Variants in KLHL29 observed in about 807,000 individuals in gnomAD.
KLHL29 encodes the protein kelch-like protein 29.
A neutral mutation model predicts 80.4 loss-of-function variants in KLHL29; 21 were observed. That is an observed-to-expected ratio of 0.26 (90% CI 0.19 to 0.38). The LOEUF is 0.38. KLHL29 is among the 10% of genes least tolerant of loss of function. The pLI is 1.00. For synonymous variants in KLHL29, 511 were observed against 526.8 expected, an observed-to-expected ratio of 0.97 and a Z score of 0.41; for missense variants, 867 against 1,223.9, an observed-to-expected ratio of 0.71 and a Z score of 4.35.
intron 2 of KLHL29, among the ~76,000 whole-genome samples, chr2:23,502,984 T>C (rs1665497460): frequency 6.6e-6 from 1 of 151,578 alleles, no homozygotes; most frequent in Non-Finnish European, 1.5e-5. Flanking sequence ...TTTTTCTTTT[T>C]CTTTTTTTTG....
chr2:23,705,938 C>G (rs1672691830), intron 13 of KLHL29, among the ~76,000 whole-genome samples: 1 of 152,170 alleles, frequency 6.6e-6, no homozygotes, highest in African/African-American at 2.4e-5. Flanking sequence ...GGGGTCCAGG[C>G]ACAGCCATCG....
chr2:23,573,293 G>A (rs1667763210), intron 3 of KLHL29, among the ~76,000 whole-genome samples: 1 of 152,108 alleles, frequency 6.6e-6, no homozygotes. Flanking sequence ...TTTATTTAAG[G>A]CACTCATCTA....
At chr2:23,595,244 C>G (rs971220561) in intron 3 of KLHL29, among the ~76,000 whole-genome samples, 11 of 152,072 alleles carry the variant, frequency 7.2e-5, no homozygotes, top group Non-Finnish European at 1.3e-4. Flanking sequence ...GGGAAGGAAC[C>G]CTTCTTTCCT....
At chr2:23,702,354 G>A (rs1321243890) in intron 11 of KLHL29, among the ~76,000 whole-genome samples, 1 of 152,080 alleles carries the variant, frequency 6.6e-6, no homozygotes, top group African/African-American at 2.4e-5. Context: ...CTAACACAAA[G>A]CCTATTTTAT....
At chr2:23,591,242 C>T (rs1031486405) in intron 3 of KLHL29, among the ~76,000 whole-genome samples, 2 of 152,086 alleles carry the variant, frequency 1.3e-5, no homozygotes, top group African/African-American at 4.8e-5. Context: ...GACAAGAGGC[C>T]GGTGCCCTTG....
At position 23,495,356 on chromosome 2, in the gene KLHL29, C is replaced by G. The variant is rs116047230; in HGVS notation, c.-46+19689C>G. Among the ~76,000 whole-genome samples, 559 of 152,250 alleles carry G rather than the reference C, an allele frequency of 3.7e-3. 12 individuals are homozygous for G. In the South Asian group the frequency reaches 0.057, roughly 16 times the overall value. On this transcript the variant is annotated intron_variant, in intron 2 of 13. Transcript: ENST00000486442. ...TGCCATGCTTTTTGGTGAGGTGGGT[C>G]CAGGTCATTGCCCCTACCTGGCTCT...
At chr2:23,440,187 A>C (rs963305382) in intron 1 of KLHL29, among the ~76,000 whole-genome samples, 1 of 152,196 alleles carries the variant, frequency 6.6e-6, no homozygotes, top group Non-Finnish European at 1.5e-5. Flanking sequence ...ATCTACAACT[A>C]TCTGATCTTC....
intron 1 of KLHL29, among the ~76,000 whole-genome samples, chr2:23,386,029 G>C (rs529265318): frequency 5.5e-4 from 84 of 152,278 alleles, no homozygotes; most frequent in Non-Finnish European, 1.0e-3. Context: ...CTGCCCCCGG[G>C]TGTGTATGCA....
chr2:23,493,067 C>G (rs1372221672), intron 2 of KLHL29, among the ~76,000 whole-genome samples: 1 of 152,212 alleles, frequency 6.6e-6, no homozygotes, highest in Non-Finnish European at 1.5e-5. Flanking sequence ...AGCTCCGTTC[C>G]TGCTCTAACA....
chr2:23,624,168 T>C (rs1669253928), intron 3 of KLHL29, among the ~76,000 whole-genome samples: 1 of 152,102 alleles, frequency 6.6e-6, no homozygotes, highest in South Asian at 2.1e-4. Context: ...GTCTAGCAAT[T>C]ACTACGTGGA....
At chr2:23,524,369 T>TCTAC in intron 2 of KLHL29, 1 of 183,302 alleles carries the variant, frequency 5.5e-6, no homozygotes, top group Non-Finnish European at 1.2e-5. Context: ...GGCCAGGAAA[T>TCTAC]ACCTTTAGGT....
At chr2:23,550,833 C>G (rs1246789663) in intron 2 of KLHL29, among the ~76,000 whole-genome samples, 1 of 152,218 alleles carries the variant, frequency 6.6e-6, no homozygotes, top group Non-Finnish European at 1.5e-5. Context: ...AACACCATTT[C>G]CTGTGAAGAG....
intron 1 of KLHL29, among the ~76,000 whole-genome samples, chr2:23,420,312 T>A (rs1052658547): frequency 1.3e-5 from 2 of 152,126 alleles, no homozygotes; most frequent in Non-Finnish European, 2.9e-5. Flanking sequence ...TCCACACCGA[T>A]CCCGTCACTG....
At position 23,642,763 on chromosome 2, in the gene KLHL29, C is replaced by G; in HGVS notation, c.853C>G (p.Pro285Ala). ...TGGTGCCCCTGCCACCAATGGGCCCCCCACAACCGACTCGGCCCACGGGCT... is the reference window on the plus strand; with the variant it reads ...TGGTGCCCCTGCCACCAATGGGCCCGCCACAACCGACTCGGCCCACGGGCT... ...PSGAPATNGP[P>A]TTDSAHGLQM... The change falls in exon 5 of 14, where the codon CCC (proline) becomes GCC (alanine). Residue 285 changes from proline to alanine, a missense_variant. Pro to Ala is a conservative substitution (Grantham distance 27). This residue lies in a region of KLHL29 where 424 missense variants were observed against 456.9 expected (regional missense o/e 0.93). Transcript: ENST00000486442. 6.5e-7 allele frequency: 1 copy of G among 1,550,386 alleles called. No homozygotes were observed. Among genetic ancestry groups the G allele is most frequent in the Non-Finnish European group, 8.7e-7 (1 of 1,146,854 alleles).
In KLHL29 at chr2:23,682,554, G is replaced by A. The variant is rs1350983105; in HGVS notation, c.941-1845G>A. On this transcript the variant is annotated intron_variant, in intron 5 of 13. Transcript: ENST00000486442. This position sits in a 1 kb window ranked among gnomAD's most constrained non-coding sequence, Gnocchi z 4.1. ...CCCCTGTGGCTCCCTGGTGCCCCAG[G>A]ATGAAGCTGGAGCTCCCAGGCAAGA... Among the ~76,000 whole-genome samples the A allele has an allele frequency of 6.6e-6, 1 of 152,190 alleles. No homozygotes were observed. The highest frequency in any genetic ancestry group is 2.4e-5 in the African/African-American group (1 of 41,448).
chr2:23,433,989 G>A (rs1663260355), intron 1 of KLHL29, among the ~76,000 whole-genome samples: 1 of 152,104 alleles, frequency 6.6e-6, no homozygotes, highest in African/African-American at 2.4e-5. Flanking sequence ...TTGAGGGTAT[G>A]TGTCTGTGGG....
chr2:23,387,074 A>G (rs1426262127), intron 1 of KLHL29, among the ~76,000 whole-genome samples: 3 of 152,046 alleles, frequency 2.0e-5, no homozygotes, highest in African/African-American at 7.2e-5. Context: ...CCGCTCTGCA[A>G]ACGTTCTCCT....
rs141437395 is a variant in KLHL29 at position 23,563,770 on chromosome 2, C to T, written c.285+1289C>T. Among the ~76,000 whole-genome samples the T allele has an allele frequency of 8.2e-3, 1,246 of 152,312 alleles. 19 individuals carry two copies. Among genetic ancestry groups the T allele is most frequent in the South Asian group, 0.049 (236 of 4,822 alleles). ...ACAATGGAGCTATTGGAGGCTGGCT[C>T]GGAGCGCACTGACATCTTGCTGCAG... On this transcript the variant is annotated intron_variant, in intron 3 of 13. Coordinates refer to ENST00000486442, the MANE Select transcript of KLHL29 (RefSeq NM_052920.2).
In KLHL29 at chr2:23,386,002, G is replaced by C. The variant is rs1299889521; in HGVS notation, c.-154+222G>C. Among the ~76,000 whole-genome samples, 4 of 150,468 alleles carry C rather than the reference G, an allele frequency of 2.7e-5. No homozygotes were observed. The East Asian group carries it at 5.8e-4, about 22-fold the overall frequency. On this transcript the variant is annotated intron_variant, in intron 1 of 13. Transcript: ENST00000486442. ...CTGCGCTGCTCCAGGGGGAAAAAAA[G>C]GGGGGGAAAAAACTTCCTGCCCCCG... is the stretch of plus-strand genomic sequence containing the variant.
Sources: allele counts gnomAD v4.1 joint callset (sites outside exome capture counted in the v4.1 genomes callset), GRCh38; gene constraint gnomAD v4.1.1; regional missense constraint gnomAD v4.1.1; non-coding constraint Gnocchi (gnomAD v3.1); transcripts MANE v1.5; gene names NCBI Gene and HGNC (gene_info 2026-07-23, HGNC 2026-07-21).